VEPH1: variants seen among roughly 807,000 people sequenced by gnomAD.
The protein encoded by VEPH1 is ventricular zone expressed PH domain containing 1.
Under a neutral mutation model 85.2 loss-of-function variants are expected in VEPH1, and 80 were observed. The observed-to-expected ratio is 0.94, with a 90% CI of 0.78 to 1.13. The LOEUF is 1.13. Among genes scored for constraint, VEPH1 ranks in the 50% most tolerant of loss-of-function variants. The pLI is 0.00. For synonymous variants in VEPH1, 297 were observed against 348.0 expected (o/e 0.85, Z 1.63); for missense variants, 955 against 980.5 (o/e 0.97, Z 0.35).
intron 12 of VEPH1, among the ~76,000 whole-genome samples, chr3:157,279,068 C>G (rs1054805656): frequency 6.6e-6 from 1 of 152,004 alleles, no homozygotes; most frequent in Non-Finnish European, 1.5e-5. Context: ...TAGAAGCAGT[C>G]AAGTAAGTGG....
At chr3:157,328,419 C>G (rs192991143) in intron 9 of VEPH1, among the ~76,000 whole-genome samples, 88 of 152,250 alleles carry the variant, frequency 5.8e-4, no homozygotes, top group African/African-American at 2.1e-3. Flanking sequence ...TGCATAATGA[C>G]CCTTGGCATC....
intron 4 of VEPH1, among the ~76,000 whole-genome samples, chr3:157,457,830 T>G (rs1338377864): frequency 6.6e-6 from 1 of 152,190 alleles, no homozygotes; most frequent in East Asian, 1.9e-4. Context: ...GTTTTCTTTT[T>G]ATGTTGTGTC....
At chr3:157,384,991 T>C (rs1729138075) in intron 6 of VEPH1, among the ~76,000 whole-genome samples, 1 of 152,154 alleles carries the variant, frequency 6.6e-6, no homozygotes, top group Non-Finnish European at 1.5e-5. Context: ...TAAACAAAAA[T>C]AGCTGGCCCA....
At chr3:157,374,080 A>G (rs1054387211) in intron 7 of VEPH1, among the ~76,000 whole-genome samples, 85 of 152,184 alleles carry the variant, frequency 5.6e-4, no homozygotes, top group Non-Finnish European at 1.1e-3. Flanking sequence ...TGGTGGAGTA[A>G]ATGAATAACA....
Position 157,431,760 on chromosome 3 carries a change from C to G in VEPH1, c.530-3272G>C, listed in dbSNP as rs548700893. ...GTGACAGACATCAGTGTTTGCTAAT[C>G]TGATGGGATGTATCTAATATTTTTG... On this transcript the variant is annotated intron_variant, in intron 4 of 13. Transcript: ENST00000362010. Among the ~76,000 whole-genome samples, 12 of 151,782 alleles carry G rather than the reference C, an allele frequency of 7.9e-5. No homozygotes were observed. In the South Asian group the frequency reaches 2.5e-3, roughly 32 times the overall value.
At chr3:157,379,637 C>T (rs1728536768) in intron 7 of VEPH1, among the ~76,000 whole-genome samples, 1 of 152,196 alleles carries the variant, frequency 6.6e-6, no homozygotes, top group Non-Finnish European at 1.5e-5. Context: ...ATGCTCACTA[C>T]TCTATCAAGA....
chr3:157,426,404 C>A (rs1247702231), intron 5 of VEPH1, among the ~76,000 whole-genome samples: 1 of 152,156 alleles, frequency 6.6e-6, no homozygotes, highest in Admixed American at 6.5e-5. Context: ...GGGAGAAAGC[C>A]TGTGGAAAAT....
intron 2 of VEPH1, among the ~76,000 whole-genome samples, chr3:157,474,685 A>G (rs763994004): frequency 3.9e-5 from 6 of 152,304 alleles, no homozygotes; most frequent in Admixed American, 6.5e-5. Flanking sequence ...TCATTTGAGA[A>G]CAGAGGGCCC....
intron 9 of VEPH1, among the ~76,000 whole-genome samples, chr3:157,322,807 T>C (rs1344104001): frequency 6.6e-6 from 1 of 152,134 alleles, no homozygotes; most frequent in Non-Finnish European, 1.5e-5. Context: ...AGACAAAAAA[T>C]TCAAAACATT....
At chr3:157,363,202 G>GAAAA (rs34308512) in intron 9 of VEPH1, 162 bp downstream of exon 9, 257 of 466,468 alleles carry the variant, frequency 5.5e-4, no homozygotes, top group East Asian at 1.0e-3. Context: ...CTTTTCTTGG[G>GAAAA]AAAAAAAAAA....
At chr3:157,397,566 T>C (rs1238501058) in intron 6 of VEPH1, among the ~76,000 whole-genome samples, 1 of 152,200 alleles carries the variant, frequency 6.6e-6, no homozygotes, top group African/African-American at 2.4e-5. Context: ...GGTATGTTTT[T>C]TCATTTGTTT....
chr3:157,461,678 T>C (rs555621089), intron 3 of VEPH1, among the ~76,000 whole-genome samples: 1 of 152,288 alleles, frequency 6.6e-6, no homozygotes, highest in South Asian at 2.1e-4. Flanking sequence ...ATACATACAA[T>C]TCCTGAGCAA....
intron 6 of VEPH1, among the ~76,000 whole-genome samples, chr3:157,402,250 C>T (rs1228107591): frequency 6.6e-6 from 1 of 152,112 alleles, no homozygotes; most frequent in African/African-American, 2.4e-5. Context: ...ACTCTCTTAC[C>T]CCCTAGCTTT....
chr3:157,279,027 A>G (rs923070438), intron 12 of VEPH1, among the ~76,000 whole-genome samples: 1 of 152,174 alleles, frequency 6.6e-6, no homozygotes, highest in Admixed American at 6.6e-5. Context: ...AAAAAATAAA[A>G]CAAAATAAAA....
intron 4 of VEPH1, chr3:157,437,945 A>G: frequency 6.6e-7 from 1 of 1,523,846 alleles, no homozygotes. Context: ...GGGACCTCCC[A>G]CTGCGGCTTT....
At chr3:157,468,286 T>C (rs1668281262) in intron 3 of VEPH1, among the ~76,000 whole-genome samples, 1 of 152,236 alleles carries the variant, frequency 6.6e-6, no homozygotes, top group Non-Finnish European at 1.5e-5. Flanking sequence ...GAAGTGTGAC[T>C]AGTCCATTTA....
At chr3:157,295,960 A>AT (rs1427527027) in intron 11 of VEPH1, among the ~76,000 whole-genome samples, 3 of 152,012 alleles carry the variant, frequency 2.0e-5, no homozygotes, top group Admixed American at 6.5e-5. Context: ...ATCTCAAAAA[A>AT]AAATAAATAA....
chr3:157,389,140 G>A (rs897503520), intron 6 of VEPH1, among the ~76,000 whole-genome samples: 6 of 152,080 alleles, frequency 3.9e-5, no homozygotes, highest in South Asian at 2.1e-4. Context: ...TCTGTTTAAA[G>A]CTATTTAATA....
chr3:157,315,811 A>C (rs1184659196), intron 10 of VEPH1: 2 of 151,982 alleles, frequency 1.3e-5, no homozygotes, highest in Non-Finnish European at 2.9e-5. Flanking sequence ...TTTTTTTCAG[A>C]AAACTGACAA....
Sources: allele counts gnomAD v4.1 joint callset (sites outside exome capture counted in the v4.1 genomes callset), GRCh38; gene constraint gnomAD v4.1.1; transcripts MANE v1.5; gene names NCBI Gene and HGNC (gene_info 2026-07-23, HGNC 2026-07-21).